CADM1: variants seen among roughly 807,000 people sequenced by gnomAD.
CADM1 encodes TSLC-1.
A neutral mutation model predicts 53.1 loss-of-function variants in CADM1; 15 were observed. That is an observed-to-expected ratio of 0.28 (90% CI 0.19 to 0.44). The LOEUF is 0.44. Ranked by LOEUF, CADM1 falls within the 20% of genes least tolerant of loss-of-function variation. The pLI, the probability that CADM1 is intolerant of heterozygous loss-of-function variation, is 1.00. For synonymous variants in CADM1, 281 were observed against 243.0 expected (o/e 1.16, Z -1.45); for missense variants, 434 against 611.3 (o/e 0.71, Z 3.06).
chr11:115,190,591 A>AG, intron 10 of CADM1: 1 of 340,938 alleles, frequency 2.9e-6, no homozygotes, highest in Non-Finnish European at 5.3e-6. Flanking sequence ...TTATATATCT[A>AG]GGACATAAAC....
chr11:115,365,486 T>C (rs1946133634), intron 1 of CADM1, among the ~76,000 whole-genome samples: 1 of 152,092 alleles, frequency 6.6e-6, no homozygotes, highest in Non-Finnish European at 1.5e-5. Context: ...GTGGGTATTG[T>C]TTATACAAGA....
intron 1 of CADM1, among the ~76,000 whole-genome samples, chr11:115,370,410 C>G (rs1053050739): frequency 6.6e-6 from 1 of 152,016 alleles, no homozygotes; most frequent in South Asian, 2.1e-4. Context: ...GGAGTCAGTC[C>G]CTTTGCAGGA....
At chr11:115,259,430 C>A (rs1431621357) in intron 1 of CADM1, among the ~76,000 whole-genome samples, 1 of 150,382 alleles carries the variant, frequency 6.6e-6, no homozygotes, top group African/African-American at 2.5e-5. Flanking sequence ...CTCAGCCCCC[C>A]AAGTGGCTGG....
intron 1 of CADM1, among the ~76,000 whole-genome samples, chr11:115,350,804 A>C (rs998694536): frequency 6.6e-6 from 1 of 152,092 alleles, no homozygotes; most frequent in African/African-American, 2.4e-5. Context: ...AAACAAAAAC[A>C]AGAAAATCAC....
chr11:115,351,904 C>G lies in CADM1; in HGVS notation c.125-111484G>C, dbSNP rs45599536. Reference sequence around the variant, plus strand: ...AGAAAGACAATGGTTTTCCTCACCACCACTTAAACCATAGGAAGCTTCCTC... The same window carrying G: ...AGAAAGACAATGGTTTTCCTCACCAGCACTTAAACCATAGGAAGCTTCCTC... On this transcript the variant is annotated intron_variant, in intron 1 of 11. Coordinates refer to ENST00000331581, the MANE Select transcript of CADM1 (RefSeq NM_001301043.2). Among the ~76,000 whole-genome samples, 609 of 152,264 alleles carry G rather than the reference C, an allele frequency of 4.0e-3. 4 individuals carry two copies. Among genetic ancestry groups the G allele is most frequent in the Non-Finnish European group, 5.7e-3 (386 of 68,026 alleles).
chr11:115,188,676 A>G (rs529482964), intron 10 of CADM1, among the ~76,000 whole-genome samples: 41 of 152,304 alleles, frequency 2.7e-4, no homozygotes, highest in African/African-American at 9.1e-4. Context: ...TTAAATGTGC[A>G]ACACCTACTC....
chr11:115,279,949 C>T (rs1023002536), intron 1 of CADM1, among the ~76,000 whole-genome samples: 9 of 152,166 alleles, frequency 5.9e-5, no homozygotes, highest in Admixed American at 1.3e-4. Context: ...GTGCGTGACT[C>T]GCATACTGCA....
chr11:115,269,612 G>A (rs1163865546), intron 1 of CADM1, among the ~76,000 whole-genome samples: 1 of 152,128 alleles, frequency 6.6e-6, no homozygotes, highest in Non-Finnish European at 1.5e-5. Flanking sequence ...ACATTTAAAG[G>A]CACCAAGGGG....
intron 1 of CADM1, among the ~76,000 whole-genome samples, chr11:115,433,917 A>C (rs1322305471): frequency 1.3e-5 from 2 of 152,256 alleles, no homozygotes; most frequent in Non-Finnish European, 2.9e-5. Flanking sequence ...TTATTTTAAT[A>C]GGATTACATT....
At chr11:115,186,512 G>C (rs1939559962) in intron 10 of CADM1, among the ~76,000 whole-genome samples, 1 of 152,122 alleles carries the variant, frequency 6.6e-6, no homozygotes, top group Non-Finnish European at 1.5e-5. Flanking sequence ...GATTTCATAG[G>C]GGGAAAGGTG....
intron 1 of CADM1, among the ~76,000 whole-genome samples, chr11:115,488,347 T>A (rs1949422170): frequency 6.6e-6 from 1 of 152,082 alleles, no homozygotes. Flanking sequence ...TAGAACTAAG[T>A]CATACAAAAA....
intron 1 of CADM1, among the ~76,000 whole-genome samples, chr11:115,249,284 T>C (rs961966607): frequency 4.6e-5 from 7 of 152,224 alleles, no homozygotes; most frequent in African/African-American, 1.7e-4. Context: ...AAACATTAAG[T>C]GACTGCTTTC....
intron 1 of CADM1, among the ~76,000 whole-genome samples, chr11:115,363,999 G>A (rs781405412): frequency 7.9e-5 from 12 of 151,876 alleles, no homozygotes; most frequent in African/African-American, 7.3e-5. Context: ...TAGCCTAGGC[G>A]TGTCATAGGC....
chr11:115,391,610 T>C (rs1024314987), intron 1 of CADM1, among the ~76,000 whole-genome samples: 7 of 152,202 alleles, frequency 4.6e-5, no homozygotes, highest in African/African-American at 9.7e-5. Context: ...ACCTGCATCA[T>C]GAAAAATGTT....
chr11:115,438,331 TTCTG>T (rs1209218541), intron 1 of CADM1, among the ~76,000 whole-genome samples: 1 of 152,142 alleles, frequency 6.6e-6, no homozygotes, highest in Non-Finnish European at 1.5e-5. Flanking sequence ...CCAGGATTAA[TTCTG>T]TCTTTCAGTA....
intron 1 of CADM1, among the ~76,000 whole-genome samples, chr11:115,442,999 C>T (rs1181679320): frequency 6.6e-6 from 1 of 152,210 alleles, no homozygotes; most frequent in Non-Finnish European, 1.5e-5. Context: ...ATCATTTCTC[C>T]TCTAAGCATA....
At chr11:115,191,781 A>G (rs1052355989) in intron 9 of CADM1, among the ~76,000 whole-genome samples, 7 of 152,232 alleles carry the variant, frequency 4.6e-5, no homozygotes, top group Non-Finnish European at 8.8e-5. Context: ...ACAAAATGTT[A>G]GACATTCAAT....
Position 115,172,729 on chromosome 11 carries a change from T to A in CADM1, c.*3745A>T. 1 of 32,016 alleles carries A rather than the reference T, an allele frequency of 3.1e-5. No individual in the cohort carries two copies. Among genetic ancestry groups the A allele is most frequent in the South Asian group, 1.0e-3 (1 of 988 alleles). 2.0% of individuals were successfully genotyped at this position (32,016 alleles called of 1,614,324 possible). A position where few individuals can be genotyped will look rare whatever the true frequency, so the allele number is the denominator to read the frequency against. ...TGCTCAATAACTGCATATCTGATTT[T>A]TTTTTTTTTTTTTTTTTTTTTTTTT... On this transcript the variant is annotated 3_prime_UTR_variant, in exon 12 of 12. Transcript: ENST00000331581.
chr11:115,372,825 A>G (rs1017957881), intron 1 of CADM1, among the ~76,000 whole-genome samples: 1 of 152,190 alleles, frequency 6.6e-6, no homozygotes, highest in African/African-American at 2.4e-5. Context: ...AAGAACAAGG[A>G]AAACACTGGA....
Sources: allele counts gnomAD v4.1 joint callset (sites outside exome capture counted in the v4.1 genomes callset), GRCh38; gene constraint gnomAD v4.1.1; transcripts MANE v1.5; gene names NCBI Gene and HGNC (gene_info 2026-07-23, HGNC 2026-07-21).